Variants in MPZL1 observed in about 807,000 individuals in gnomAD.
MPZL1 encodes the protein myelin protein zero-like protein 1.
MPZL1 carries 16 observed loss-of-function variants against 29.3 expected under a neutral mutation model. That is an observed-to-expected ratio of 0.55 (90% CI 0.37 to 0.83). The LOEUF is 0.83. Ranked by LOEUF, MPZL1 falls within the 40% of genes least tolerant of loss-of-function variation. MPZL1 has a pLI of 0.00. For missense variants in MPZL1, 279 were observed against 332.9 expected, an observed-to-expected ratio of 0.84 and a Z score of 1.26; for synonymous variants, 143 against 132.0, an observed-to-expected ratio of 1.08 and a Z score of -0.57.
Position 167,787,963 on chromosome 1 carries a change from A to C in MPZL1, c.*42A>C. ...TATCCTCAGCAAGAAACAAAACCAA[A>C]CTGGACTCTCGTGCAGAAAATGTAG... is the stretch of plus-strand genomic sequence containing the variant. On this transcript the variant is annotated 3_prime_UTR_variant, in exon 6 of 6. Transcript: ENST00000359523. 2.0e-6 allele frequency: 3 copies of C among 1,517,812 alleles called. No individual in the cohort carries two copies. Among genetic ancestry groups the C allele is most frequent in the Non-Finnish European group, 2.7e-6 (3 of 1,093,222 alleles). The allele number at this position is 1,517,812 out of a possible 1,614,324, so 94.0% of individuals were successfully genotyped here.
At chr1:167,751,737 A>C (rs547489927) in intron 1 of MPZL1, among the ~76,000 whole-genome samples, 2 of 152,144 alleles carry the variant, frequency 1.3e-5, no homozygotes, top group East Asian at 3.9e-4. Flanking sequence ...TATCCCTCAC[A>C]TATCTAAAGT....
At chr1:167,786,598 A>G (rs111404971) in intron 5 of MPZL1, among the ~76,000 whole-genome samples, 2,136 of 152,044 alleles carry the variant, frequency 0.014, 43 homozygotes, top group African/African-American at 0.049. Flanking sequence ...TTATTTTCTA[A>G]CTCCGCTTTT....
chr1:167,782,461 T>C (rs765105622), intron 5 of MPZL1, among the ~76,000 whole-genome samples: 1 of 152,192 alleles, frequency 6.6e-6, no homozygotes, highest in African/African-American at 2.4e-5. Context: ...TTTGTACAAA[T>C]TGATTGAGTC....
chr1:167,750,728 A>G, intron 1 of MPZL1, among the ~76,000 whole-genome samples: 1 of 152,342 alleles, frequency 6.6e-6, no homozygotes, highest in East Asian at 1.9e-4. Context: ...TTGAAACAGT[A>G]ACAGTACTGT....
At chr1:167,777,427 G>T (rs1314644250) in intron 5 of MPZL1, among the ~76,000 whole-genome samples, 1 of 152,178 alleles carries the variant, frequency 6.6e-6, no homozygotes, top group Non-Finnish European at 1.5e-5. Context: ...CCAGTGTACT[G>T]CCTTGAAGCA....
Position 167,788,117 on chromosome 1 carries a change from G to A in MPZL1, c.*196G>A, listed in dbSNP as rs1013299452. 1 of 506,594 alleles carries A rather than the reference G, an allele frequency of 2.0e-6. No individual in the cohort carries two copies. The highest frequency in any genetic ancestry group is 3.6e-6 in the Non-Finnish European group (1 of 277,158). 31.4% of individuals were successfully genotyped at this position (506,594 alleles called of 1,614,324 possible). ...TTAGTCATCCTGATATGAGGAGCCAGTGTTGCATGATGAAAAGATGGTATG... is the reference window on the plus strand; with the variant it reads ...TTAGTCATCCTGATATGAGGAGCCAATGTTGCATGATGAAAAGATGGTATG... On this transcript the variant is annotated 3_prime_UTR_variant, in exon 6 of 6. Coordinates refer to ENST00000359523, the MANE Select transcript of MPZL1 (RefSeq NM_003953.6).
chr1:167,778,470 C>T (rs2101795449), intron 5 of MPZL1, among the ~76,000 whole-genome samples: 1 of 151,404 alleles, frequency 6.6e-6, no homozygotes, highest in South Asian at 2.1e-4. Flanking sequence ...CCAGCCTGGG[C>T]AATATAGTGA....
intron 5 of MPZL1, among the ~76,000 whole-genome samples, chr1:167,783,956 C>A (rs776125422): frequency 2.8e-4 from 42 of 152,280 alleles, no homozygotes; most frequent in Non-Finnish European, 5.9e-4. Flanking sequence ...GGGGATGACT[C>A]CTCTAACACC....
chr1:167,747,727 GC>G (rs1660674957), intron 1 of MPZL1, among the ~76,000 whole-genome samples: 2 of 152,198 alleles, frequency 1.3e-5, no homozygotes, highest in African/African-American at 4.8e-5. Context: ...TGGTTCTACA[GC>G]TGCTTTTTTT....
At chr1:167,757,959 G>T (rs1274417701) in intron 1 of MPZL1, among the ~76,000 whole-genome samples, 2 of 152,068 alleles carry the variant, frequency 1.3e-5, no homozygotes, top group African/African-American at 4.8e-5. Flanking sequence ...AGACCAGCCT[G>T]ACCAACATGG....
chr1:167,784,406 G>GT (rs1661552468), intron 5 of MPZL1, among the ~76,000 whole-genome samples: 1 of 152,156 alleles, frequency 6.6e-6, no homozygotes, highest in Non-Finnish European at 1.5e-5. Flanking sequence ...AAGAGATAGA[G>GT]TAAAACAGCT....
chr1:167,739,078 A>G (rs2101755286), intron 1 of MPZL1, among the ~76,000 whole-genome samples: 1 of 151,652 alleles, frequency 6.6e-6, no homozygotes, highest in African/African-American at 2.4e-5. Context: ...AGTAGCTGGG[A>G]CCACAGGTGC....
chr1:167,750,803 G>T (rs1006012039), intron 1 of MPZL1, among the ~76,000 whole-genome samples: 1 of 152,172 alleles, frequency 6.6e-6, no homozygotes, highest in African/African-American at 2.4e-5. Flanking sequence ...TAGAGCAGAA[G>T]AAAATCCAGA....
intron 1 of MPZL1, among the ~76,000 whole-genome samples, chr1:167,760,711 G>A (rs1326943951): frequency 6.6e-6 from 1 of 151,512 alleles, no homozygotes; most frequent in Non-Finnish European, 1.5e-5. Context: ...TTAAATTTGA[G>A]ATGATGCCAA....
chr1:167,723,719 A>G (rs980459646), intron 1 of MPZL1, among the ~76,000 whole-genome samples: 2 of 152,240 alleles, frequency 1.3e-5, no homozygotes, highest in Non-Finnish European at 2.9e-5. Flanking sequence ...CTAGAGTAAT[A>G]GCCCCATACA....
chr1:167,784,806 G>A (rs1424386305), intron 5 of MPZL1, among the ~76,000 whole-genome samples: 2 of 152,192 alleles, frequency 1.3e-5, no homozygotes, highest in Non-Finnish European at 2.9e-5. Flanking sequence ...TTCTAAGGGG[G>A]AAGAGGAATG....
Position 167,791,199 on chromosome 1 carries a change from GAGACC to G in MPZL1, c.*3282_*3286del, listed in dbSNP as rs1661706773. 1 of 152,140 alleles carries G rather than the reference GAGACC, an allele frequency of 6.6e-6. No homozygotes were observed. The highest frequency in any genetic ancestry group is 2.4e-5 in the African/African-American group (1 of 41,382). The allele number at this position is 152,140 out of a possible 1,614,324, so 9.4% of individuals were successfully genotyped here. ...TCCCGCATTAGAACATAGTTAACAAGAGACCAGAACCTTGCTGTTTTGTTCACTGC... is the reference window on the plus strand; with the variant it reads ...TCCCGCATTAGAACATAGTTAACAAGAGAACCTTGCTGTTTTGTTCACTGC... On this transcript the variant is annotated 3_prime_UTR_variant, in exon 6 of 6. Transcript: ENST00000359523.
intron 1 of MPZL1, among the ~76,000 whole-genome samples, chr1:167,747,132 AT>A (rs1182945359): frequency 1.3e-5 from 2 of 152,302 alleles, no homozygotes; most frequent in African/African-American, 4.8e-5. Flanking sequence ...ACTCATTACC[AT>A]TTGCAGCCCA....
intron 5 of MPZL1, among the ~76,000 whole-genome samples, chr1:167,783,706 T>A (rs538758289): frequency 1.3e-5 from 2 of 152,334 alleles, no homozygotes; most frequent in South Asian, 2.1e-4. Flanking sequence ...CTGAGCCAGA[T>A]CTGTCTGGTT....
Sources: allele counts gnomAD v4.1 joint callset (sites outside exome capture counted in the v4.1 genomes callset), GRCh38; gene constraint gnomAD v4.1.1; transcripts MANE v1.5; gene names NCBI Gene and HGNC (gene_info 2026-07-23, HGNC 2026-07-21).